Variants in FHIT observed in about 807,000 individuals in gnomAD.
FHIT encodes the protein fragile histidine triad diadenosine triphosphatase.
In FHIT, 19 loss-of-function variants were observed where a neutral mutation model predicts 17.9. The observed-to-expected ratio is 1.06, with a 90% CI of 0.74 to 1.56. FHIT has a LOEUF of 1.56. Ranked by LOEUF, FHIT falls within the 40% of genes most tolerant of loss-of-function variation. The probability of loss-of-function intolerance (pLI) is 0.00; values close to 1 mark genes in which losing one functional copy is unlikely to be tolerated. For missense variants in FHIT, 248 were observed against 189.2 expected, an observed-to-expected ratio of 1.31 and a Z score of -1.82; for synonymous variants, 81 against 69.7, an observed-to-expected ratio of 1.16 and a Z score of -0.81.
intron 5 of FHIT, among the ~76,000 whole-genome samples, chr3:60,207,817 G>T (rs890339111): frequency 6.6e-6 from 1 of 152,140 alleles, no homozygotes; most frequent in African/African-American, 2.4e-5. Context: ...TCAAGATACT[G>T]GTTGGTAAGG....
At chr3:60,025,334 A>C (rs1345064803) in intron 5 of FHIT, among the ~76,000 whole-genome samples, 1 of 152,192 alleles carries the variant, frequency 6.6e-6, no homozygotes, top group Non-Finnish European at 1.5e-5. Flanking sequence ...TAAAATTCTT[A>C]AATAGTCTCC....
At position 60,749,042 on chromosome 3, in the gene FHIT, G is replaced by A. The variant is rs2042416315; in HGVS notation, c.-18+72877C>T. On this transcript the variant is annotated intron_variant, in intron 4 of 9. Coordinates refer to ENST00000492590, the MANE Select transcript of FHIT (RefSeq NM_002012.4). Reference sequence around the variant, plus strand: ...ACTACCTTAGTAGGGAAAAAGGAGTGGGAGAAAAGACCTCTTTGGAAAGAA... The same window carrying A: ...ACTACCTTAGTAGGGAAAAAGGAGTAGGAGAAAAGACCTCTTTGGAAAGAA... 2.0e-5 allele frequency among the ~76,000 whole-genome samples: 3 copies of A among 152,090 alleles called. No homozygotes were observed. The South Asian group carries it at 6.2e-4, about 32-fold the overall frequency.
intron 8 of FHIT, among the ~76,000 whole-genome samples, chr3:59,855,673 A>G (rs1214766387): frequency 1.3e-5 from 2 of 152,214 alleles, no homozygotes; most frequent in South Asian, 2.1e-4. Flanking sequence ...CAAAAGAAAA[A>G]CCACAATAAA....
chr3:60,807,235 G>A (rs2106696642), intron 4 of FHIT, among the ~76,000 whole-genome samples: 1 of 152,228 alleles, frequency 6.6e-6, no homozygotes, highest in South Asian at 2.1e-4. Flanking sequence ...GCTGGTGGAG[G>A]TAAGAGAGGT....
intron 7 of FHIT, among the ~76,000 whole-genome samples, chr3:59,991,942 A>G (rs1179901451): frequency 6.6e-6 from 1 of 152,066 alleles, no homozygotes; most frequent in Non-Finnish European, 1.5e-5. Context: ...ATGTGACCCA[A>G]TAAATCATCC....
chr3:59,965,835 A>G (rs910722446), intron 7 of FHIT, among the ~76,000 whole-genome samples: 1 of 152,198 alleles, frequency 6.6e-6, no homozygotes, highest in African/African-American at 2.4e-5. Flanking sequence ...GCACAGAGAA[A>G]GTTGAACTCA....
chr3:60,414,226 G>A (rs1702165528), intron 5 of FHIT, among the ~76,000 whole-genome samples: 1 of 152,184 alleles, frequency 6.6e-6, no homozygotes, highest in African/African-American at 2.4e-5. Context: ...CCACCAAAGT[G>A]TCTGATTCAG....
intron 3 of FHIT, among the ~76,000 whole-genome samples, chr3:60,937,965 G>A (rs782406475): frequency 2.6e-5 from 4 of 152,062 alleles, no homozygotes; most frequent in African/African-American, 9.7e-5. Flanking sequence ...GAACAAGGGG[G>A]TCCCAGCCTC....
intron 3 of FHIT, among the ~76,000 whole-genome samples, chr3:60,994,124 T>C (rs1347304513): frequency 1.3e-5 from 2 of 152,226 alleles, no homozygotes; most frequent in East Asian, 3.8e-4. Context: ...AAATAAAATA[T>C]ACTATTTAAA....
At chr3:60,388,447 C>G (rs1380056436) in intron 5 of FHIT, among the ~76,000 whole-genome samples, 2 of 151,944 alleles carry the variant, frequency 1.3e-5, no homozygotes, top group Non-Finnish European at 2.9e-5. Context: ...AGAAAAAATA[C>G]AACAATTAGC....
chr3:60,535,842 G>C (rs1365335209), intron 5 of FHIT: 1 of 148,488 alleles, frequency 6.7e-6, no homozygotes, highest in African/African-American at 2.5e-5. Context: ...ATAGTTACGT[G>C]GCTAGAAAAG....
intron 5 of FHIT, among the ~76,000 whole-genome samples, chr3:60,082,302 T>C: frequency 7.6e-6 from 1 of 131,276 alleles, no homozygotes; most frequent in South Asian, 2.5e-4. Flanking sequence ...ACAGACATGA[T>C]TTCATTCTTT....
intron 5 of FHIT, among the ~76,000 whole-genome samples, chr3:60,075,156 A>G (rs1702948516): frequency 6.6e-6 from 1 of 152,152 alleles, no homozygotes; most frequent in African/African-American, 2.4e-5. Flanking sequence ...ACAGGAAATA[A>G]AGGCACATTT....
intron 5 of FHIT, among the ~76,000 whole-genome samples, chr3:60,424,931 A>G (rs1702608812): frequency 6.6e-6 from 1 of 152,182 alleles, no homozygotes; most frequent in African/African-American, 2.4e-5. Flanking sequence ...CACCTTCTGC[A>G]TGGATTAATA....
chr3:60,162,799 C>G (rs1164291490), intron 5 of FHIT, among the ~76,000 whole-genome samples: 1 of 152,148 alleles, frequency 6.6e-6, no homozygotes, highest in East Asian at 1.9e-4. Flanking sequence ...ACACTGTTCA[C>G]AAGTACATCA....
intron 3 of FHIT, among the ~76,000 whole-genome samples, chr3:60,849,899 C>T (rs1399749163): frequency 6.6e-6 from 1 of 152,084 alleles, no homozygotes; most frequent in Non-Finnish European, 1.5e-5. Context: ...ATAAACGTGA[C>T]TTCCCCCACT....
intron 4 of FHIT, among the ~76,000 whole-genome samples, chr3:60,583,116 AG>A (rs1376837643): frequency 6.6e-6 from 1 of 151,942 alleles, no homozygotes; most frequent in Non-Finnish European, 1.5e-5. Context: ...ACACAGCATT[AG>A]GTAATGAAAG....
intron 5 of FHIT, among the ~76,000 whole-genome samples, chr3:60,497,122 G>T (rs2034331198): frequency 6.6e-6 from 1 of 151,900 alleles, no homozygotes; most frequent in Non-Finnish European, 1.5e-5. Flanking sequence ...CTAGGAGGGG[G>T]CATGGTATTG....
At chr3:60,427,771 G>T (rs1702726868) in intron 5 of FHIT, among the ~76,000 whole-genome samples, 1 of 151,924 alleles carries the variant, frequency 6.6e-6, no homozygotes, top group Non-Finnish European at 1.5e-5. Context: ...TTTTCCTACT[G>T]CCTGCTGGTC....
Sources: allele counts gnomAD v4.1 joint callset (sites outside exome capture counted in the v4.1 genomes callset), GRCh38; gene constraint gnomAD v4.1.1; transcripts MANE v1.5; gene names NCBI Gene and HGNC (gene_info 2026-07-23, HGNC 2026-07-21).